RANBP2: variants seen among roughly 807,000 people sequenced by gnomAD.
The protein encoded by RANBP2 is E3 SUMO-protein ligase RanBP2.
In RANBP2, 57 loss-of-function variants were observed where a neutral mutation model predicts 303.6. The ratio of observed to expected loss-of-function variants is 0.19; its 90% confidence interval spans 0.15 to 0.23. RANBP2 has a LOEUF of 0.23. Among genes scored for constraint, RANBP2 ranks in the 10% least tolerant of loss-of-function variants. The pLI, the probability that RANBP2 is intolerant of heterozygous loss-of-function variation, is 1.00. For missense variants in RANBP2, 3,138 were observed against 3,780.8 expected, an observed-to-expected ratio of 0.83 and a Z score of 4.46; for synonymous variants, 1,167 against 1,301.5, an observed-to-expected ratio of 0.90 and a Z score of 2.23.
intron 6 of RANBP2, among the ~76,000 whole-genome samples, chr2:108,739,429 C>G (rs1695889068): frequency 6.6e-6 from 1 of 152,018 alleles, no homozygotes; most frequent in Non-Finnish European, 1.5e-5. Flanking sequence ...AAACTCAGCT[C>G]TACATACATG....
chr2:109,658,387 A>C, the RANBP2 span, among the ~76,000 whole-genome samples: 18 of 151,968 alleles, frequency 1.2e-4, no homozygotes, highest in African/African-American at 4.1e-4. Context: ...CAGAGGTTGT[A>C]GTGAGCCAAG....
the RANBP2 span, among the ~76,000 whole-genome samples, chr2:109,140,004 G>A: frequency 5.9e-5 from 9 of 152,286 alleles, no homozygotes; most frequent in South Asian, 1.9e-3. Flanking sequence ...TTGATCAGAG[G>A]TAGTGACTCA....
rs1435623130 is a variant in RANBP2, at chr2:108,763,814, C to T, written c.3275C>T (p.Thr1092Ile). Residue 1092 changes from threonine (T) to isoleucine (I), a missense_variant, in exon 20 of 29, where the codon ACC (threonine) becomes ATC (isoleucine). By Grantham distance (89) the Thr-to-Ile change is moderately conservative (BLOSUM62 -1). Coordinates refer to ENST00000283195, the MANE Select transcript of RANBP2 (RefSeq NM_006267.5). ...SGAKPIPGGQ[T>I]IGPRNTFNFG... ...GCCAAACCAATTCCTGGTGGTCAAA[C>T]CATTGGGCCTCGAAATACATTCAAT... 1 of 1,614,034 alleles carries T rather than the reference C, an allele frequency of 6.2e-7. No homozygotes were observed.
At chr2:108,805,644 G>A in the RANBP2 span, among the ~76,000 whole-genome samples, 7 of 151,908 alleles carry the variant, frequency 4.6e-5, no homozygotes, top group African/African-American at 1.7e-4. Context: ...GGAGAATGTC[G>A]TGAACCCAGG....
At chr2:109,583,499 C>T in the RANBP2 span, among the ~76,000 whole-genome samples, 2 of 152,008 alleles carry the variant, frequency 1.3e-5, no homozygotes, top group Admixed American at 6.6e-5. Context: ...CAGATACTGG[C>T]GGGGCTGTAG....
the RANBP2 span, among the ~76,000 whole-genome samples, chr2:108,824,433 ACAGGGT>A: frequency 6.6e-6 from 1 of 152,150 alleles, no homozygotes; most frequent in Non-Finnish European, 1.5e-5. Flanking sequence ...TTAGGCTTAC[ACAGGGT>A]CAGGATAATC....
At chr2:109,367,412 G>C in the RANBP2 span, among the ~76,000 whole-genome samples, 1 of 152,144 alleles carries the variant, frequency 6.6e-6, no homozygotes, top group South Asian at 2.1e-4. Context: ...CTCACAAGTA[G>C]CTGGGACTAC....
At chr2:109,113,832 T>C in the RANBP2 span, among the ~76,000 whole-genome samples, 10 of 152,170 alleles carry the variant, frequency 6.6e-5, no homozygotes, top group Admixed American at 6.6e-4. Context: ...TTATTGAGAG[T>C]TTTTAGCATG....
chr2:109,260,849 A>C, the RANBP2 span, among the ~76,000 whole-genome samples: 1 of 152,148 alleles, frequency 6.6e-6, no homozygotes, highest in East Asian at 1.9e-4. Flanking sequence ...TACAGAGAGT[A>C]ATGGAAGGTA....
chr2:109,373,120 T>G, the RANBP2 span, among the ~76,000 whole-genome samples: 1 of 152,084 alleles, frequency 6.6e-6, no homozygotes, highest in East Asian at 1.9e-4. Flanking sequence ...GGCAGATAAT[T>G]CACACACACA....
intron 12 of RANBP2, 42 bp downstream of exon 12, chr2:108,752,036 A>T (rs748523577): frequency 6.2e-7 from 1 of 1,606,492 alleles, no homozygotes; most frequent in Non-Finnish European, 8.5e-7. Context: ...ACATTACCTT[A>T]ATTTTTTAAA....
At chr2:108,795,839 G>C in the RANBP2 span, among the ~76,000 whole-genome samples, 1 of 152,088 alleles carries the variant, frequency 6.6e-6, no homozygotes, top group Non-Finnish European at 1.5e-5. Context: ...GAAAACTCAG[G>C]CTGGGTATTT....
the RANBP2 span, among the ~76,000 whole-genome samples, chr2:109,747,671 G>A: frequency 1.3e-5 from 2 of 150,102 alleles, no homozygotes; most frequent in Admixed American, 6.7e-5. Flanking sequence ...CTGGGGTGGC[G>A]GAGGTTGCAG....
chr2:109,623,655 C>A, the RANBP2 span, among the ~76,000 whole-genome samples: 1 of 152,214 alleles, frequency 6.6e-6, no homozygotes, highest in Non-Finnish European at 1.5e-5. Context: ...CAATGTCTGA[C>A]CTTGAAATGG....
At chr2:109,086,314 C>A in the RANBP2 span, among the ~76,000 whole-genome samples, 7 of 152,160 alleles carry the variant, frequency 4.6e-5, no homozygotes, top group Non-Finnish European at 5.9e-5. Flanking sequence ...TCATTCCTAC[C>A]ATTGAAGGAG....
chr2:109,540,798 C>CAAA, the RANBP2 span, among the ~76,000 whole-genome samples: 2,266 of 131,118 alleles, frequency 0.017, 100 homozygotes, highest in African/African-American at 0.06. Flanking sequence ...AAGACCCTGT[C>CAAA]AAAAAAAAAA....
the RANBP2 span, among the ~76,000 whole-genome samples, chr2:109,394,403 C>T: frequency 2.0e-5 from 3 of 152,150 alleles, no homozygotes; most frequent in Admixed American, 1.3e-4. Flanking sequence ...CCACCCCATC[C>T]GGTTTCATGT....
At chr2:109,024,371 G>T in the RANBP2 span, among the ~76,000 whole-genome samples, 1 of 152,244 alleles carries the variant, frequency 6.6e-6, no homozygotes, top group Non-Finnish European at 1.5e-5. Flanking sequence ...GCTGGTGTAA[G>T]TTTGCAAAGA....
chr2:108,934,263 C>A, the RANBP2 span, among the ~76,000 whole-genome samples: 1 of 152,140 alleles, frequency 6.6e-6, no homozygotes, highest in African/African-American at 2.4e-5. Flanking sequence ...GAGCACAGGG[C>A]AGCCTGTGGT....
Sources: allele counts gnomAD v4.1 joint callset (sites outside exome capture counted in the v4.1 genomes callset), GRCh38; gene constraint gnomAD v4.1.1; transcripts MANE v1.5; gene names NCBI Gene and HGNC (gene_info 2026-07-23, HGNC 2026-07-21).